The following MANBA variants were observed in gnomAD, a reference collection of about 807,000 sequenced individuals.
The protein encoded by MANBA is beta-mannosidase.
MANBA carries 83 observed loss-of-function variants against 111.1 expected under a neutral mutation model. The observed-to-expected ratio is 0.75, with a 90% CI of 0.63 to 0.90. The LOEUF (loss-of-function observed/expected upper bound fraction) is 0.90. Among genes scored for constraint, MANBA ranks in the 40% least tolerant of loss-of-function variants. The pLI, the probability that MANBA is intolerant of heterozygous loss-of-function variation, is 0.00. For synonymous variants in MANBA, 370 were observed against 378.7 expected, an observed-to-expected ratio of 0.98 and a Z score of 0.27; for missense variants, 1,036 against 1,069.0, an observed-to-expected ratio of 0.97 and a Z score of 0.43.
chr4:102,731,836 G>A (rs1440988487), intron 1 of MANBA, among the ~76,000 whole-genome samples: 5 of 151,438 alleles, frequency 3.3e-5, no homozygotes, highest in African/African-American at 1.2e-4. Flanking sequence ...TGCTCCATCT[G>A]AGTGTCTAGA....
At chr4:102,755,459 C>T (rs965518372) in intron 1 of MANBA, among the ~76,000 whole-genome samples, 2 of 152,120 alleles carry the variant, frequency 1.3e-5, no homozygotes, top group Non-Finnish European at 2.9e-5. Context: ...ATACCTTATA[C>T]AAAAATTAAT....
chr4:102,744,241 T>C (rs1187082049), intron 1 of MANBA, among the ~76,000 whole-genome samples: 3 of 152,196 alleles, frequency 2.0e-5, no homozygotes, highest in African/African-American at 7.2e-5. Flanking sequence ...AATATCTCAA[T>C]AGGCCCCATA....
At position 102,727,667 on chromosome 4, in the gene MANBA, C is replaced by T. The variant is rs540726439; in HGVS notation, c.178-984G>A. On this transcript the variant is annotated intron_variant, in intron 1 of 16. Transcript: ENST00000647097. Reference sequence around the variant, plus strand: ...GTTTCACAGTCTTCTCTAAGTTGAACGCAGTCTCAGCAGAATCTCCCTCAG... The same window carrying T: ...GTTTCACAGTCTTCTCTAAGTTGAATGCAGTCTCAGCAGAATCTCCCTCAG... The T allele has an allele frequency of 3.9e-5, 55 of 1,425,468 alleles. 1 individual carries two copies. The highest frequency in any genetic ancestry group is 2.7e-4 in the Admixed American group (16 of 59,566). 88.3% of individuals were successfully genotyped at this position (1,425,468 alleles called of 1,614,324 possible).
intron 1 of MANBA, chr4:102,734,480 C>G (rs566480339): frequency 6.2e-7 from 1 of 1,604,198 alleles, no homozygotes; most frequent in Non-Finnish European, 8.5e-7. Flanking sequence ...TGGCCATCAT[C>G]ATACCCATTC....
chr4:102,701,067 G>A (rs1402399718), intron 5 of MANBA, among the ~76,000 whole-genome samples: 1 of 152,074 alleles, frequency 6.6e-6, no homozygotes, highest in African/African-American at 2.4e-5. Context: ...TATATATTTA[G>A]GATAGTTAGC....
intron 5 of MANBA, among the ~76,000 whole-genome samples, chr4:102,698,761 C>T (rs1205988527): frequency 6.6e-6 from 1 of 151,416 alleles, no homozygotes; most frequent in Non-Finnish European, 1.5e-5. Flanking sequence ...TTACTGTAGC[C>T]TTGTAGTATA....
chr4:102,759,567 A>G (rs1338304474), intron 1 of MANBA, among the ~76,000 whole-genome samples: 12 of 24,812 alleles, frequency 4.8e-4, no homozygotes, highest in Admixed American at 7.5e-4. Flanking sequence ...ACATCTCAGG[A>G]AAAAAAAAAA....
At chr4:102,664,041 C>T (rs77324925) in intron 11 of MANBA, among the ~76,000 whole-genome samples, 1,720 of 152,248 alleles carry the variant, frequency 0.011, 25 homozygotes, top group African/African-American at 0.039. Flanking sequence ...TTAACACATA[C>T]GATTACAGAA....
At chr4:102,667,311 T>C (rs951105144) in intron 10 of MANBA, 5 of 152,052 alleles carry the variant, frequency 3.3e-5, no homozygotes, top group Admixed American at 6.5e-5. Context: ...GAGGGAAAAA[T>C]AGGATTTGAA....
Position 102,657,230 on chromosome 4 carries a change from G to GT in MANBA, c.1704+451_1704+452insA, listed in dbSNP as rs1560752415. 8.0e-5 allele frequency among the ~76,000 whole-genome samples: 9 copies of GT among 111,898 alleles called. 1 individual carries two copies. Among genetic ancestry groups the GT allele is most frequent in the Non-Finnish European group, 1.1e-4 (6 of 54,538 alleles). The allele number at this position is 111,898 out of a possible 152,430, so 73.4% of individuals were successfully genotyped here. On this transcript the variant is annotated intron_variant, in intron 12 of 16. Coordinates refer to ENST00000647097, the MANE Select transcript of MANBA (RefSeq NM_005908.4). ...GAGAGAGAGGAGTGGGGTGGGGGGG[G>GT]GGTGGGCGGTGGTAATGGAATAGGA...
At chr4:102,657,499 A>G (rs1730616913) in intron 12 of MANBA, among the ~76,000 whole-genome samples, 183 bp downstream of exon 12, 1 of 152,240 alleles carries the variant, frequency 6.6e-6, no homozygotes, top group Non-Finnish European at 1.5e-5. Context: ...GAAGGAACAC[A>G]GTAAAAGCAA....
chr4:102,719,378 C>T (rs779265527), intron 4 of MANBA, among the ~76,000 whole-genome samples: 19 of 152,120 alleles, frequency 1.2e-4, no homozygotes, highest in South Asian at 4.2e-4. Flanking sequence ...TGAAAATCGC[C>T]GTTATTCTGT....
chr4:102,733,372 C>T (rs1232164428), intron 1 of MANBA, among the ~76,000 whole-genome samples: 1 of 134,762 alleles, frequency 7.4e-6, no homozygotes, highest in Non-Finnish European at 1.6e-5. Context: ...TTTTTTGAAA[C>T]AGGTCTTGCT....
chr4:102,704,368 A>G (rs565113811), intron 5 of MANBA, among the ~76,000 whole-genome samples: 11 of 152,124 alleles, frequency 7.2e-5, no homozygotes, highest in African/African-American at 2.7e-4. Context: ...TTGTAGAGAC[A>G]ATGTCTGCTC....
intron 4 of MANBA, chr4:102,722,573 C>T (rs1487032296): frequency 2.2e-5 from 8 of 361,736 alleles, no homozygotes; most frequent in Non-Finnish European, 3.7e-5. Context: ...GTTTGATAAA[C>T]TTAAATGTTA....
chr4:102,660,772 TATATAATAATATTA>T (rs1730905341), intron 11 of MANBA, among the ~76,000 whole-genome samples: 1 of 148,440 alleles, frequency 6.7e-6, no homozygotes, highest in African/African-American at 2.4e-5. Flanking sequence ...AATATATTAA[TATATAATAATATTA>T]ATATAATAAT....
chr4:102,714,664 T>C (rs1722245750), intron 4 of MANBA, 103 bp from the exon 5 acceptor site: 3 of 1,141,434 alleles, frequency 2.6e-6, no homozygotes, highest in African/African-American at 1.6e-5. Flanking sequence ...GTATATAAGT[T>C]TGCTATGGCA....
At chr4:102,754,891 G>C (rs938858343) in intron 1 of MANBA, among the ~76,000 whole-genome samples, 14 of 152,072 alleles carry the variant, frequency 9.2e-5, no homozygotes, top group African/African-American at 2.7e-4. Context: ...ACTTATAAAA[G>C]TGTATGCATT....
intron 1 of MANBA, among the ~76,000 whole-genome samples, chr4:102,760,339 T>C (rs982287621): frequency 2.6e-5 from 4 of 152,308 alleles, no homozygotes; most frequent in Admixed American, 6.5e-5. Flanking sequence ...AAAACGCTGT[T>C]GTCCCCTGTG....
Sources: allele counts gnomAD v4.1 joint callset (sites outside exome capture counted in the v4.1 genomes callset), GRCh38; gene constraint gnomAD v4.1.1; transcripts MANE v1.5; gene names NCBI Gene and HGNC (gene_info 2026-07-23, HGNC 2026-07-21).